The following WDR41 variants were observed in gnomAD, a reference collection of about 807,000 sequenced individuals.
WDR41 encodes WD repeat-containing protein 41.
Under a neutral mutation model 69.3 loss-of-function variants are expected in WDR41, and 63 were observed. The observed-to-expected ratio is 0.91, with a 90% confidence interval of 0.74 to 1.12. The LOEUF is 1.12. WDR41 is among the 50% of genes most tolerant of loss of function. The probability of loss-of-function intolerance (pLI) is 0.00; values close to 1 mark genes in which losing one functional copy is unlikely to be tolerated. For synonymous variants in WDR41, 185 were observed against 192.1 expected (o/e 0.96, Z 0.31); for missense variants, 543 against 534.5 (o/e 1.02, Z -0.16).
intron 8 of WDR41, among the ~76,000 whole-genome samples, chr5:77,446,613 A>G (rs546330243): frequency 1.3e-5 from 2 of 152,210 alleles, no homozygotes; most frequent in African/African-American, 4.8e-5. Flanking sequence ...CACCTCAGAA[A>G]TAACACCACA....
intron 1 of WDR41, among the ~76,000 whole-genome samples, chr5:77,563,505 T>C (rs1201570489): frequency 1.3e-5 from 2 of 152,212 alleles, no homozygotes; most frequent in African/African-American, 2.4e-5. Flanking sequence ...CTTGAAGTAT[T>C]TGAAGTCATT....
chr5:77,464,908 A>T (rs1411742803), intron 2 of WDR41, 99 bp from the exon 3 acceptor site: 7 of 1,176,848 alleles, frequency 5.9e-6, no homozygotes, highest in Non-Finnish European at 7.4e-6. Context: ...TTTGACTAAT[A>T]TTAACGAAGA....
chr5:77,479,721 T>C (rs425527), intron 2 of WDR41, among the ~76,000 whole-genome samples: 86,762 of 151,982 alleles, frequency 0.57, 26,701 homozygotes, highest in African/African-American at 0.8. Context: ...ATAAAAACCC[T>C]AGAAGAAAAC....
chr5:77,608,818 A>C (rs1254972795), intron 1 of WDR41, among the ~76,000 whole-genome samples: 1 of 152,194 alleles, frequency 6.6e-6, no homozygotes, highest in African/African-American at 2.4e-5. Flanking sequence ...ACAGGGGTGC[A>C]GTGCACCGTG....
At chr5:77,448,853 G>C (rs1486716974) in intron 8 of WDR41, among the ~76,000 whole-genome samples, 1 of 145,870 alleles carries the variant, frequency 6.9e-6, no homozygotes, top group East Asian at 2.0e-4. Flanking sequence ...GGGCAACACA[G>C]GGAGACTCCA....
At chr5:77,511,803 C>T (rs1010412354) in intron 1 of WDR41, among the ~76,000 whole-genome samples, 2 of 151,760 alleles carry the variant, frequency 1.3e-5, no homozygotes, top group Non-Finnish European at 2.9e-5. Context: ...AGTAAGGCGT[C>T]CAAGATACTA....
chr5:77,599,060 A>G (rs1744278248), intron 1 of WDR41, among the ~76,000 whole-genome samples: 1 of 151,986 alleles, frequency 6.6e-6, no homozygotes. Context: ...TACTACTAAT[A>G]TTTCTAAAAA....
At chr5:77,572,676 A>T (rs1743753155) in intron 1 of WDR41, among the ~76,000 whole-genome samples, 1 of 152,226 alleles carries the variant, frequency 6.6e-6, no homozygotes, top group East Asian at 1.9e-4. Context: ...AAGTTTGCTT[A>T]TCAAGACCAC....
At chr5:77,566,220 A>G (rs1280505260) in intron 1 of WDR41, among the ~76,000 whole-genome samples, 3 of 152,126 alleles carry the variant, frequency 2.0e-5, no homozygotes, top group Admixed American at 2.0e-4. Context: ...ATCATAGAAC[A>G]TGAGCAGCAG....
At chr5:77,618,575 G>A (rs1744721171) in intron 1 of WDR41, among the ~76,000 whole-genome samples, 1 of 152,118 alleles carries the variant, frequency 6.6e-6, no homozygotes, top group African/African-American at 2.4e-5. Flanking sequence ...GTTTCACCAT[G>A]TTGGCCAGGC....
At chr5:77,564,532 A>G (rs576219360) in intron 1 of WDR41, among the ~76,000 whole-genome samples, 16 of 152,190 alleles carry the variant, frequency 1.1e-4, no homozygotes, top group Non-Finnish European at 2.4e-4. Context: ...CTCTAGTTCA[A>G]TCATCTCACG....
intron 8 of WDR41, among the ~76,000 whole-genome samples, chr5:77,443,876 CTTTT>C (rs746105630): frequency 1.4e-3 from 149 of 105,006 alleles, no homozygotes; most frequent in African/African-American, 5.1e-3. Flanking sequence ...TCAATCAGCA[CTTTT>C]TTTTTTTTTT....
intron 1 of WDR41, among the ~76,000 whole-genome samples, chr5:77,513,967 CA>C (rs11347132): frequency 0.55 from 83,023 of 151,738 alleles, 24,143 homozygotes; most frequent in African/African-American, 0.73. Context: ...TTTTGTTTTA[CA>C]AAAAAAACTT....
At position 77,474,600 on chromosome 5, in the gene WDR41, A is replaced by G. The variant is rs570874147; in HGVS notation, c.168-9791T>C. Among the ~76,000 whole-genome samples, 27 of 152,300 alleles carry G rather than the reference A, an allele frequency of 1.8e-4. No individual in the cohort carries two copies. In the South Asian group the frequency reaches 5.4e-3, roughly 30 times the overall value. On this transcript the variant is annotated intron_variant, in intron 2 of 12. Coordinates refer to ENST00000296679, the MANE Select transcript of WDR41 (RefSeq NM_018268.4). The stretch of plus-strand genomic sequence containing the variant: ...CTGACGCAACCAATTCCTTAATTAG[A>G]TCTACTTCAACAATTTCTTTTCCTT...
chr5:77,475,829 T>C (rs944242602), intron 2 of WDR41, among the ~76,000 whole-genome samples: 3 of 152,080 alleles, frequency 2.0e-5, no homozygotes, highest in African/African-American at 7.2e-5. Context: ...GAGAATGACT[T>C]TGACAAGCTG....
intron 1 of WDR41, among the ~76,000 whole-genome samples, chr5:77,550,617 C>T (rs1743278742): frequency 6.6e-6 from 1 of 152,166 alleles, no homozygotes; most frequent in South Asian, 2.1e-4. Context: ...AAAGAGAATG[C>T]TTATACACTG....
intron 12 of WDR41, among the ~76,000 whole-genome samples, chr5:77,433,990 G>A (rs772375716): frequency 2.5e-4 from 38 of 152,210 alleles, no homozygotes; most frequent in Non-Finnish European, 4.1e-4. Flanking sequence ...TATCAGAAAA[G>A]TGAATCAATG....
intron 1 of WDR41, among the ~76,000 whole-genome samples, chr5:77,544,279 C>T (rs1478932488): frequency 6.6e-6 from 1 of 151,988 alleles, no homozygotes; most frequent in African/African-American, 2.4e-5. Flanking sequence ...TCAAGGTATA[C>T]AGGCAACGAA....
In WDR41 at chr5:77,492,271, C is replaced by T. The variant is rs1801839656; in HGVS notation, c.-51G>A. The T allele has an allele frequency of 1.2e-6, 2 of 1,606,826 alleles. No individual in the cohort carries two copies. Among genetic ancestry groups the T allele is most frequent in the South Asian group, 1.1e-5 (1 of 90,210 alleles). Reference sequence around the variant, plus strand: ...GTCCAGCCCCAGTCAGCCCAAACTCCGCCCCAGGCTCGGCCTCCTCCTTCC... The same window carrying T: ...GTCCAGCCCCAGTCAGCCCAAACTCTGCCCCAGGCTCGGCCTCCTCCTTCC... On this transcript the variant is annotated 5_prime_UTR_variant, in exon 1 of 13. Transcript: ENST00000296679.
Sources: gnomAD v4.1 joint callset for allele counts (sites outside exome capture counted in the v4.1 genomes callset) on GRCh38, gnomAD v4.1.1 for gene constraint, MANE v1.5 for transcripts, NCBI Gene and HGNC (gene_info 2026-07-23, HGNC 2026-07-21) for gene names.